EFHC1: variants seen among roughly 807,000 people sequenced by gnomAD.
EFHC1 encodes EF-hand domain containing 1, also known as EF-hand domain-containing protein 1.
A neutral mutation model predicts 69.9 loss-of-function variants in EFHC1; 53 were observed. The ratio of observed to expected loss-of-function variants is 0.76; its 90% CI spans 0.61 to 0.95. The LOEUF (loss-of-function observed/expected upper bound fraction) is 0.95. EFHC1 is among the 40% of genes least tolerant of loss of function. The pLI is 0.00. For synonymous variants in EFHC1, 256 were observed against 278.4 expected (o/e 0.92, Z 0.80); for missense variants, 739 against 798.7 (o/e 0.93, Z 0.90).
At chr6:52,477,577 A>G (rs1765570637) in intron 7 of EFHC1, among the ~76,000 whole-genome samples, 1 of 152,256 alleles carries the variant, frequency 6.6e-6, no homozygotes, top group Non-Finnish European at 1.5e-5. Flanking sequence ...ACAGATTTAC[A>G]AGAAAAAAAT....
At chr6:52,434,121 C>G (rs988474394) in intron 2 of EFHC1, among the ~76,000 whole-genome samples, 2 of 152,198 alleles carry the variant, frequency 1.3e-5, no homozygotes, top group Admixed American at 1.3e-4. Context: ...GCTTTGAAAG[C>G]AAGTGGGGCT....
chr6:52,433,368 T>G (rs140800684), intron 2 of EFHC1, among the ~76,000 whole-genome samples: 1 of 152,182 alleles, frequency 6.6e-6, no homozygotes, highest in Non-Finnish European at 1.5e-5. Flanking sequence ...CCACGGGGTG[T>G]TCCCTTGATG....
chr6:52,459,706 G>A (rs1269978906), intron 5 of EFHC1, among the ~76,000 whole-genome samples: 3 of 151,326 alleles, frequency 2.0e-5, no homozygotes, highest in African/African-American at 7.4e-5. Context: ...ACGGAGTCTC[G>A]CTTTGTCGCC....
intron 2 of EFHC1, among the ~76,000 whole-genome samples, chr6:52,432,280 T>C (rs1359859599): frequency 6.6e-6 from 1 of 151,982 alleles, no homozygotes; most frequent in Non-Finnish European, 1.5e-5. Context: ...TTGTTTTTAA[T>C]TGTATTTTTG....
At chr6:52,445,304 T>A (rs1349993981) in intron 3 of EFHC1, among the ~76,000 whole-genome samples, 1 of 151,482 alleles carries the variant, frequency 6.6e-6, no homozygotes, top group Non-Finnish European at 1.5e-5. Flanking sequence ...TTTATTTATT[T>A]TTTTATTATT....
Position 52,492,909 on chromosome 6 carries a change from G to A in EFHC1, c.*568G>A, listed in dbSNP as rs181316173. ...TGGGATTATAGGCATGAGCCACTGTGCCCAGCCTCAGATATTTCATTATTC... is the reference window on the plus strand; with the variant it reads ...TGGGATTATAGGCATGAGCCACTGTACCCAGCCTCAGATATTTCATTATTC... On this transcript the variant is annotated 3_prime_UTR_variant, in exon 11 of 11. Transcript: ENST00000371068. 1 of 454,098 alleles carries A rather than the reference G, an allele frequency of 2.2e-6. No homozygotes were observed. The highest frequency in any genetic ancestry group is 4.4e-6 in the Non-Finnish European group (1 of 226,780). The allele number at this position is 454,098 out of a possible 1,614,324, so 28.1% of individuals were successfully genotyped here.
chr6:52,456,429 G>A (rs2113998408), intron 5 of EFHC1, among the ~76,000 whole-genome samples: 1 of 152,306 alleles, frequency 6.6e-6, no homozygotes, highest in South Asian at 2.1e-4. Context: ...TATATTCAGG[G>A]TGGCATGAAA....
At chr6:52,490,632 T>C (rs373083569) in intron 10 of EFHC1, 191 of 581,396 alleles carry the variant, frequency 3.3e-4, no homozygotes, top group African/African-American at 3.2e-3. Flanking sequence ...ACAGAGACGA[T>C]CCAGGAGGGG....
rs1307828311 is a variant in EFHC1 at position 52,494,339 on chromosome 6, G to C, written c.*1998G>C. On this transcript the variant is annotated 3_prime_UTR_variant, in exon 11 of 11. Coordinates refer to ENST00000371068, the MANE Select transcript of EFHC1 (RefSeq NM_018100.4). ...CCCAGGCTTAGAAGCCTGTGGTAAA[G>C]AGTGTGTGTATACTGGGGTGATGAT... The C allele has an allele frequency of 4.4e-6, 2 of 454,050 alleles. No individual in the cohort carries two copies. Among genetic ancestry groups the C allele is most frequent in the African/African-American group, 4.0e-5 (2 of 50,016 alleles). The allele number at this position is 454,050 out of a possible 1,614,324, so 28.1% of individuals were successfully genotyped here.
chr6:52,478,996 C>T (rs1327348859), intron 7 of EFHC1, 41 bp from the exon 8 acceptor site: 1 of 1,593,570 alleles, frequency 6.3e-7, no homozygotes. Context: ...TCTGCATAGA[C>T]CATGAACCTT....
At chr6:52,439,686 G>A (rs1031762544) in intron 3 of EFHC1, among the ~76,000 whole-genome samples, 1 of 152,020 alleles carries the variant, frequency 6.6e-6, no homozygotes, top group African/African-American at 2.4e-5. Flanking sequence ...TTATAGAGGC[G>A]GATCAGAGAA....
rs745686999 is a variant in EFHC1, at chr6:52,479,675, G to A, written c.1528G>A (p.Glu510Lys). The change falls in exon 9 of 11, where the codon GAG becomes AAG. Residue 510 changes from glutamate (E) to lysine (K), a missense_variant. Glu to Lys is a moderately conservative substitution (Grantham distance 56, BLOSUM62 1). Coordinates refer to ENST00000371068, the MANE Select transcript of EFHC1 (RefSeq NM_018100.4). ...GHRFIILDTD[E>K]YVLKYMESNA... ...CCGGTTCATCATCCTTGATACAGAC[G>A]AGTATGTTTTGAAATACATGGAGAG... 8 of 1,614,026 alleles carry A rather than the reference G, an allele frequency of 5.0e-6. No homozygotes were observed. The highest frequency in any genetic ancestry group is 3.3e-5 in the Admixed American group (2 of 60,002).
At chr6:52,458,066 A>G (rs1034568407) in intron 5 of EFHC1, among the ~76,000 whole-genome samples, 2 of 152,234 alleles carry the variant, frequency 1.3e-5, no homozygotes, top group Non-Finnish European at 2.9e-5. Context: ...ATATGAGGTC[A>G]TTTGATTTTT....
At chr6:52,454,311 C>T in intron 5 of EFHC1, 24 bp downstream of exon 5, 1 of 1,613,734 alleles carries the variant, frequency 6.2e-7, no homozygotes. Context: ...AGTTTATTCT[C>T]TGTTACTTGG....
At chr6:52,452,296 T>A (rs796106183) in intron 3 of EFHC1, among the ~76,000 whole-genome samples, 13 of 152,280 alleles carry the variant, frequency 8.5e-5, no homozygotes, top group African/African-American at 2.9e-4. Flanking sequence ...ATTATTACAC[T>A]TTTTCTTTCT....
intron 6 of EFHC1, 107 bp downstream of exon 6, chr6:52,465,222 A>G (rs893274986): frequency 2.1e-6 from 2 of 970,036 alleles, no homozygotes; most frequent in East Asian, 2.6e-5. Flanking sequence ...TGGACAAAGT[A>G]TATGTAACAC....
intron 1 of EFHC1, chr6:52,420,936 C>T: frequency 1.1e-6 from 1 of 946,686 alleles, no homozygotes. Flanking sequence ...CACCTTCAAC[C>T]TCATTCCCAC....
intron 5 of EFHC1, among the ~76,000 whole-genome samples, chr6:52,455,762 T>C (rs1765032128): frequency 6.6e-6 from 1 of 152,228 alleles, no homozygotes; most frequent in African/African-American, 2.4e-5. Context: ...TCTGTACATA[T>C]TGCTTCACTT....
chr6:52,479,314 A>C, intron 8 of EFHC1, 64 bp downstream of exon 8: 1 of 1,554,700 alleles, frequency 6.4e-7, no homozygotes, highest in Non-Finnish European at 8.9e-7. Context: ...ATTGGAATTT[A>C]ATTCATTTAA....
Sources: gnomAD v4.1 joint callset for allele counts (sites outside exome capture counted in the v4.1 genomes callset) on GRCh38, gnomAD v4.1.1 for gene constraint, MANE v1.5 for transcripts, NCBI Gene and HGNC (gene_info 2026-07-23, HGNC 2026-07-21) for gene names.